The following MED27 variants were observed in gnomAD, a reference collection of about 807,000 sequenced individuals.
MED27 encodes mediator complex subunit 27.
A neutral mutation model predicts 38.2 loss-of-function variants in MED27; 30 were observed. That is an observed-to-expected ratio of 0.79 (90% CI 0.59 to 1.07). The LOEUF is 1.07. Among genes scored for constraint, MED27 ranks in the 50% least tolerant of loss-of-function variants. The probability of loss-of-function intolerance (pLI) is 0.00; values close to 1 mark genes in which losing one functional copy is unlikely to be tolerated. For synonymous variants in MED27, 122 were observed against 153.5 expected, an observed-to-expected ratio of 0.79 and a Z score of 1.52; for missense variants, 289 against 397.5, an observed-to-expected ratio of 0.73 and a Z score of 2.32.
intron 2 of MED27, among the ~76,000 whole-genome samples, chr9:132,038,886 G>C (rs545478345): frequency 1.3e-5 from 2 of 152,118 alleles, no homozygotes; most frequent in Admixed American, 6.5e-5. Context: ...GCAGGGCTTC[G>C]AACGGAGTGA....
intron 4 of MED27, among the ~76,000 whole-genome samples, chr9:131,929,319 CCTT>C (rs1035068151): frequency 3.9e-5 from 6 of 152,146 alleles, no homozygotes; most frequent in Admixed American, 6.5e-5. Context: ...GGGAGAGACT[CCTT>C]CTGCTGGAGA....
intron 3 of MED27, among the ~76,000 whole-genome samples, chr9:131,985,336 A>C (rs2131033267): frequency 6.6e-6 from 1 of 152,278 alleles, no homozygotes; most frequent in Middle Eastern, 3.4e-3. Context: ...CTCCCAAATA[A>C]GATGAGAAAA....
In MED27 at chr9:131,913,701, G is replaced by C. The variant is rs1487932785; in HGVS notation, c.574-19709C>G. Among the ~76,000 whole-genome samples, 2 of 152,114 alleles carry C rather than the reference G, an allele frequency of 1.3e-5. No individual in the cohort carries two copies. Among genetic ancestry groups the C allele is most frequent in the Non-Finnish European group, 2.9e-5 (2 of 68,014 alleles). On this transcript the variant is annotated intron_variant, in intron 4 of 7. Coordinates refer to ENST00000292035, the MANE Select transcript of MED27 (RefSeq NM_004269.4). This position sits in a 1 kb window ranked among gnomAD's most constrained non-coding sequence, Gnocchi z 4.5. ...TATTGTCCATGGCTAGGTGGCAGTA[G>C]GTTTCTCCAGGTGTGGACCCCAGCC...
At chr9:131,943,362 ACT>A (rs758155745) in intron 3 of MED27, among the ~76,000 whole-genome samples, 4 of 151,648 alleles carry the variant, frequency 2.6e-5, no homozygotes, top group Non-Finnish European at 4.4e-5. Context: ...CAAAAATGAC[ACT>A]CTTTCTTGTT....
chr9:132,017,253 T>G (rs920054653), intron 2 of MED27, among the ~76,000 whole-genome samples: 1 of 152,184 alleles, frequency 6.6e-6, no homozygotes, highest in African/African-American at 2.4e-5. Context: ...AGTTTAGATC[T>G]GAAGAGGCTC....
At chr9:132,068,187 C>T (rs992488279) in intron 2 of MED27, among the ~76,000 whole-genome samples, 2 of 152,074 alleles carry the variant, frequency 1.3e-5, no homozygotes, top group Non-Finnish European at 2.9e-5. Context: ...ACAGAGACTC[C>T]CCCGGGCCAC....
intron 3 of MED27, among the ~76,000 whole-genome samples, chr9:132,002,832 T>C (rs970297840): frequency 1.3e-5 from 2 of 150,214 alleles, no homozygotes; most frequent in African/African-American, 4.9e-5. Flanking sequence ...GCAGAACCGT[T>C]TGAACCTGAG....
chr9:131,953,344 T>G (rs1377277441), intron 3 of MED27, among the ~76,000 whole-genome samples: 1 of 152,216 alleles, frequency 6.6e-6, no homozygotes, highest in African/African-American at 2.4e-5. Flanking sequence ...GCTTTTTCCT[T>G]TAAGTTTACT....
At chr9:132,009,297 T>C (rs970847145) in intron 3 of MED27, among the ~76,000 whole-genome samples, 2 of 152,214 alleles carry the variant, frequency 1.3e-5, no homozygotes, top group Non-Finnish European at 2.9e-5. Flanking sequence ...TTAAAATAAA[T>C]ATGTCCACAA....
At chr9:132,039,241 T>C (rs1589282165) in intron 2 of MED27, among the ~76,000 whole-genome samples, 1 of 152,318 alleles carries the variant, frequency 6.6e-6, no homozygotes, top group East Asian at 1.9e-4. Flanking sequence ...AACCTGTCAC[T>C]TACCACGTGA....
In MED27 at chr9:131,861,782, T is replaced by C. The variant is rs927946273; in HGVS notation, c.802-1110A>G. 2.3e-4 allele frequency among the ~76,000 whole-genome samples: 25 copies of C among 108,952 alleles called. No individual in the cohort carries two copies. The highest frequency in any genetic ancestry group is 7.2e-4 in the African/African-American group (24 of 33,136). 71.5% of individuals were successfully genotyped at this position (108,952 alleles called of 152,430 possible). On this transcript the variant is annotated intron_variant, in intron 7 of 7. Transcript: ENST00000292035. This position sits in a 1 kb window ranked among gnomAD's most constrained non-coding sequence, Gnocchi z 4.4. ...GTAAATGGTTCTTTTTTTTTTTTTT[T>C]TTTTTTATGAGACCACATCTCGCTC...
chr9:131,951,290 T>A (rs1830991108), intron 3 of MED27, among the ~76,000 whole-genome samples: 1 of 152,202 alleles, frequency 6.6e-6, no homozygotes, highest in Admixed American at 6.5e-5. Flanking sequence ...ATAGTACACA[T>A]CACAGTCTAT....
intron 2 of MED27, among the ~76,000 whole-genome samples, chr9:132,059,380 C>A (rs1833651241): frequency 6.6e-6 from 1 of 152,328 alleles, no homozygotes; most frequent in Middle Eastern, 3.4e-3. Context: ...GCATAATGAT[C>A]CTCTCAGGTT....
chr9:131,894,643 A>G (rs1486649424), intron 4 of MED27, among the ~76,000 whole-genome samples: 1 of 152,148 alleles, frequency 6.6e-6, no homozygotes, highest in Non-Finnish European at 1.5e-5. Flanking sequence ...TCCTAAAAAA[A>G]GTGCAGTTTC....
At chr9:132,025,342 C>G in intron 2 of MED27, among the ~76,000 whole-genome samples, 1 of 152,136 alleles carries the variant, frequency 6.6e-6, no homozygotes, top group East Asian at 1.9e-4. Flanking sequence ...GCCACCACAC[C>G]CAGCTAATTT....
intron 5 of MED27, among the ~76,000 whole-genome samples, chr9:131,887,735 A>C (rs1839164713): frequency 6.6e-6 from 1 of 152,236 alleles, no homozygotes; most frequent in Non-Finnish European, 1.5e-5. Context: ...ACAAGAAATT[A>C]TTCTGAACTA....
intron 3 of MED27, among the ~76,000 whole-genome samples, chr9:131,974,317 G>C (rs1215956005): frequency 6.6e-6 from 1 of 152,204 alleles, no homozygotes; most frequent in Non-Finnish European, 1.5e-5. Context: ...CAGGGTTTCT[G>C]ATACTTGCAG....
chr9:131,950,012 A>G (rs1473132179), intron 3 of MED27, among the ~76,000 whole-genome samples: 1 of 152,060 alleles, frequency 6.6e-6, no homozygotes, highest in Non-Finnish European at 1.5e-5. Flanking sequence ...TTCTTCTTGC[A>G]TTACAAATTT....
At chr9:132,045,635 A>C (rs764097675) in intron 2 of MED27, among the ~76,000 whole-genome samples, 5 of 152,238 alleles carry the variant, frequency 3.3e-5, no homozygotes, top group Non-Finnish European at 7.3e-5. Flanking sequence ...AACAGATATA[A>C]TTCCAAAGGA....
Sources: allele counts gnomAD v4.1 joint callset (sites outside exome capture counted in the v4.1 genomes callset), GRCh38; gene constraint gnomAD v4.1.1; non-coding constraint Gnocchi (gnomAD v3.1); transcripts MANE v1.5; gene names NCBI Gene and HGNC (gene_info 2026-07-23, HGNC 2026-07-21).